LRP6: variants seen among roughly 807,000 people sequenced by gnomAD.
LRP6 encodes low-density lipoprotein receptor-related protein 6.
Under a neutral mutation model 184.1 loss-of-function variants are expected in LRP6, and 43 were observed. That is an observed-to-expected ratio of 0.23 (90% CI 0.18 to 0.30). The LOEUF (loss-of-function observed/expected upper bound fraction) is 0.30. Among genes scored for constraint, LRP6 ranks in the 10% least tolerant of loss-of-function variants. The pLI, the probability that LRP6 is intolerant of heterozygous loss-of-function variation, is 1.00. For synonymous variants in LRP6, 719 were observed against 684.9 expected, an observed-to-expected ratio of 1.05 and a Z score of -0.78; for missense variants, 1,571 against 2,005.3, an observed-to-expected ratio of 0.78 and a Z score of 4.14.
At chr12:12,180,285 T>C (rs974495462) in intron 6 of LRP6, among the ~76,000 whole-genome samples, 4 of 149,630 alleles carry the variant, frequency 2.7e-5, no homozygotes, top group African/African-American at 7.4e-5. Flanking sequence ...CCCTTTTCCA[T>C]GAACTTTCTC....
intron 1 of LRP6, among the ~76,000 whole-genome samples, chr12:12,264,666 A>G (rs1042464664): frequency 6.6e-6 from 1 of 152,238 alleles, no homozygotes; most frequent in Admixed American, 6.5e-5. Context: ...GGTTGACTAA[A>G]TATCTTTACT....
Position 12,117,101 on chromosome 12 carries a change from A to G in LRP6, c.*4025T>C, listed in dbSNP as rs1565514032. On this transcript the variant is annotated 3_prime_UTR_variant, in exon 23 of 23. Transcript: ENST00000261349. ...AAAAGTCAGAAGCCACACATGCACT[A>G]CAAGTACTTTCTAAAATCATCTTTC... 6.6e-6 allele frequency: 1 copy of G among 152,246 alleles called. No homozygotes were observed. The highest frequency in any genetic ancestry group is 2.1e-4 in the South Asian group (1 of 4,828). 9.4% of individuals were successfully genotyped at this position (152,246 alleles called of 1,614,324 possible). A position where few individuals can be genotyped will look rare whatever the true frequency, so the allele number is the denominator to read the frequency against.
At chr12:12,205,686 G>A (rs540246971) in intron 2 of LRP6, among the ~76,000 whole-genome samples, 1 of 152,190 alleles carries the variant, frequency 6.6e-6, no homozygotes, top group Non-Finnish European at 1.5e-5. Context: ...ACTGAGAAAT[G>A]TAAGCACATC....
At chr12:12,236,557 T>C (rs1864936862) in intron 2 of LRP6, among the ~76,000 whole-genome samples, 1 of 149,702 alleles carries the variant, frequency 6.7e-6, no homozygotes, top group Non-Finnish European at 1.5e-5. Flanking sequence ...ATTCTGACAC[T>C]ATCTATGTGA....
intron 3 of LRP6, among the ~76,000 whole-genome samples, chr12:12,196,444 T>C (rs1032629052): frequency 3.3e-5 from 5 of 152,148 alleles, no homozygotes; most frequent in Admixed American, 2.6e-4. Context: ...GGTATTTTAT[T>C]AATTTCTTAT....
intron 1 of LRP6, among the ~76,000 whole-genome samples, chr12:12,263,399 C>T (rs1865675068): frequency 6.6e-6 from 1 of 151,312 alleles, no homozygotes; most frequent in African/African-American, 2.4e-5. Flanking sequence ...CACAGTGAAA[C>T]CCCGTCTCTA....
At chr12:12,215,413 A>G (rs1864315987) in intron 2 of LRP6, among the ~76,000 whole-genome samples, 1 of 152,078 alleles carries the variant, frequency 6.6e-6, no homozygotes. Context: ...GTAAGGACTA[A>G]GATTATTTTA....
At chr12:12,134,711 G>A (rs1949808151) in intron 17 of LRP6, among the ~76,000 whole-genome samples, 1 of 152,138 alleles carries the variant, frequency 6.6e-6, no homozygotes, top group Non-Finnish European at 1.5e-5. Context: ...GAGATTACAG[G>A]AGGTAGAATT....
Position 12,165,165 on chromosome 12 carries a change from T to TGAACTC in LRP6, c.1670_1675dup (p.Arg557_Val558dup), listed in dbSNP as rs1565587560. ...CACTTCCCTCTCTGCACTTCGTTTA[T>TGAACTC]GAACTCTTTCAATGCTACGCCTCTG... is the stretch of plus-strand genomic sequence containing the variant. On this transcript the variant is annotated inframe_insertion, in exon 8 of 23. Transcript: ENST00000261349. 6.2e-7 allele frequency: 1 copy of TGAACTC among 1,614,104 alleles called. No individual in the cohort carries two copies. Among genetic ancestry groups the TGAACTC allele is most frequent in the Non-Finnish European group, 8.5e-7 (1 of 1,179,992 alleles).
chr12:12,141,953 T>C (rs1409974364), intron 15 of LRP6, among the ~76,000 whole-genome samples: 2 of 152,138 alleles, frequency 1.3e-5, no homozygotes, highest in East Asian at 3.8e-4. Context: ...CTGGGGAGGA[T>C]GGAAAGAAAA....
chr12:12,232,379 G>A (rs1290051059), intron 2 of LRP6, among the ~76,000 whole-genome samples: 1 of 146,310 alleles, frequency 6.8e-6, no homozygotes. Context: ...GTGAGACGCT[G>A]TCTCAAAAAA....
intron 7 of LRP6, among the ~76,000 whole-genome samples, chr12:12,171,607 G>A (rs1369573522): frequency 6.6e-6 from 1 of 152,020 alleles, no homozygotes; most frequent in Non-Finnish European, 1.5e-5. Flanking sequence ...GTATAGAAAG[G>A]AATTATAAGG....
intron 2 of LRP6, among the ~76,000 whole-genome samples, chr12:12,211,589 T>C (rs1436014980): frequency 2.0e-5 from 3 of 152,240 alleles, no homozygotes; most frequent in Non-Finnish European, 2.9e-5. Flanking sequence ...CCCATGTTTT[T>C]ACCTGTCCCT....
At chr12:12,241,851 A>G (rs1381644235) in intron 2 of LRP6, among the ~76,000 whole-genome samples, 1 of 152,204 alleles carries the variant, frequency 6.6e-6, no homozygotes, top group Non-Finnish European at 1.5e-5. Context: ...TTTATCAGCT[A>G]AGTCTTTGGT....
chr12:12,221,547 T>C (rs1864489580), intron 2 of LRP6, among the ~76,000 whole-genome samples: 1 of 152,234 alleles, frequency 6.6e-6, no homozygotes, highest in South Asian at 2.1e-4. Flanking sequence ...AAGAAATTTA[T>C]TTTAAAATAT....
intron 2 of LRP6, among the ~76,000 whole-genome samples, chr12:12,214,927 T>C (rs907933707): frequency 6.6e-6 from 1 of 152,216 alleles, no homozygotes; most frequent in Admixed American, 6.5e-5. Context: ...AATAAGATGC[T>C]AGACAACTCA....
At chr12:12,160,196 A>C (rs868065294) in intron 10 of LRP6, among the ~76,000 whole-genome samples, 1 of 152,216 alleles carries the variant, frequency 6.6e-6, no homozygotes, top group African/African-American at 2.4e-5. Flanking sequence ...TCTTTCCAAT[A>C]CATTTGTTCC....
At chr12:12,199,833 G>A (rs1001311834) in intron 3 of LRP6, among the ~76,000 whole-genome samples, 1 of 151,644 alleles carries the variant, frequency 6.6e-6, no homozygotes, top group African/African-American at 2.4e-5. Flanking sequence ...GCGTGGTGGT[G>A]CGCACCTGTA....
At chr12:12,178,403 A>G (rs532353153) in intron 7 of LRP6, among the ~76,000 whole-genome samples, 3 of 152,318 alleles carry the variant, frequency 2.0e-5, no homozygotes, top group Middle Eastern at 3.4e-3. Flanking sequence ...CGGAATTTTA[A>G]AAACCCTACA....
Sources: allele counts gnomAD v4.1 joint callset (sites outside exome capture counted in the v4.1 genomes callset), GRCh38; gene constraint gnomAD v4.1.1; transcripts MANE v1.5; gene names NCBI Gene and HGNC (gene_info 2026-07-23, HGNC 2026-07-21).